Variants in OGT observed in about 807,000 individuals in gnomAD.
The protein encoded by OGT is UDP-N-acetylglucosamine--peptide N-acetylglucosaminyltransferase 110 kDa subunit.
Under a neutral mutation model 75.8 loss-of-function variants are expected in OGT, and 3 were observed. That is an observed-to-expected ratio of 0.04 (90% CI 0.02 to 0.10). OGT has a LOEUF of 0.10. Among genes scored for constraint, OGT ranks in the 10% least tolerant of loss-of-function variants. The pLI is 1.00. For missense variants in OGT, 260 were observed against 824.4 expected, an observed-to-expected ratio of 0.32 and a Z score of 8.38; for synonymous variants, 257 against 289.7, an observed-to-expected ratio of 0.89 and a Z score of 1.15.
rs192649178 is a variant in OGT at position 71,550,896 on chromosome X, G to A, written c.648+2873G>A. Reference sequence around the variant, plus strand: ...AGAGTAGAAGGGTGGTGAGGCTTGGGGGGGTGGAGGAGGGATGGGGAAAAG... The same window carrying A: ...AGAGTAGAAGGGTGGTGAGGCTTGGAGGGGTGGAGGAGGGATGGGGAAAAG... On this transcript the variant is annotated intron_variant, in intron 5 of 21. Coordinates refer to ENST00000373719, the MANE Select transcript of OGT (RefSeq NM_181672.3). Among the ~76,000 whole-genome samples, 752 of 110,912 alleles carry A rather than the reference G, an allele frequency of 6.8e-3. 3 individuals carry two copies. The highest frequency in any genetic ancestry group is 9.2e-3 in the Middle Eastern group (2 of 218).
intron 5 of OGT, among the ~76,000 whole-genome samples, chrX:71,550,608 A>G (rs1052825532): frequency 3.6e-5 from 4 of 111,452 alleles, no homozygotes; most frequent in Non-Finnish European, 5.6e-5. Flanking sequence ...TAATGGGCGT[A>G]TTTGCTACTG....
chrX:71,561,250 C>G (rs1476277101), intron 14 of OGT, among the ~76,000 whole-genome samples: 1 of 110,584 alleles, frequency 9.0e-6, no homozygotes, highest in Non-Finnish European at 1.9e-5. Context: ...TCTAAACTCC[C>G]TCACACTTTA....
intron 2 of OGT, 134 bp downstream of exon 2, chrX:71,536,492 C>G (rs903355042): frequency 3.4e-5 from 15 of 446,184 alleles, no homozygotes; most frequent in African/African-American, 5.1e-5. Flanking sequence ...CATCTGCTCT[C>G]TTGCCCACTT....
chrX:71,556,151 A>C (rs184080041), intron 8 of OGT, 57 bp downstream of exon 8: 1 of 1,113,965 alleles, frequency 9.0e-7, no homozygotes, highest in Non-Finnish European at 1.2e-6. Context: ...AAAGCAGTTA[A>C]GTTTACCATC....
intron 1 of OGT, 144 bp downstream of exon 1, chrX:71,533,480 T>C: frequency 1.9e-6 from 1 of 536,137 alleles, no homozygotes; most frequent in Non-Finnish European, 3.1e-6. Flanking sequence ...TCTACTGGCA[T>C]CTGATCACAT....
Position 71,533,109 on chromosome X carries a change from A to G in OGT, c.-191A>G. The G allele has an allele frequency of 2.5e-6, 1 of 400,010 alleles. No homozygotes were observed. The highest frequency in any genetic ancestry group is 4.4e-6 in the Non-Finnish European group (1 of 227,348). The allele number at this position is 400,010 out of a possible 1,213,427, so 33.0% of individuals were successfully genotyped here. A position where few individuals can be genotyped will look rare whatever the true frequency, so the allele number is the denominator to read the frequency against. ...GCCGAGGAGCCGTCGCCGCCATTTCAAGACCGTACTAGGTAGATGGTCAAT... is the reference window on the plus strand; with the variant it reads ...GCCGAGGAGCCGTCGCCGCCATTTCGAGACCGTACTAGGTAGATGGTCAAT... On this transcript the variant is annotated 5_prime_UTR_variant, in exon 1 of 22. Transcript: ENST00000373719.
chrX:71,557,700 G>A, intron 12 of OGT, 28 bp downstream of exon 12: 4 of 1,107,752 alleles, frequency 3.6e-6, no homozygotes, highest in Non-Finnish European at 4.8e-6. Context: ...TAATCTTTTT[G>A]TTGTAAACTA....
At chrX:71,547,058 G>A in intron 4 of OGT, 1 of 754,652 alleles carries the variant, frequency 1.3e-6, no homozygotes, top group Non-Finnish European at 1.6e-6. Flanking sequence ...CAGCGATTGC[G>A]CAGTGCGATG....
intron 8 of OGT, 68 bp downstream of exon 8, chrX:71,556,162 A>G: frequency 9.2e-7 from 1 of 1,082,948 alleles, no homozygotes; most frequent in East Asian, 3.0e-5. Flanking sequence ...GTTTACCATC[A>G]TCCACCTCTT....
At chrX:71,560,604 G>A (rs186997368) in intron 14 of OGT, among the ~76,000 whole-genome samples, 12 of 111,672 alleles carry the variant, frequency 1.1e-4, no homozygotes, top group Admixed American at 8.5e-4. Context: ...ATGTGTATGT[G>A]TATATATATA....
In OGT at chrX:71,555,311, C is replaced by A; in HGVS notation, c.850C>A (p.Arg284=). 8.3e-7 allele frequency: 1 copy of A among 1,210,874 alleles called. No homozygotes were observed. The highest frequency in any genetic ancestry group is 1.1e-6 in the Non-Finnish European group (1 of 895,020). ...LIDLAIDTYR[R]AIELQPHFPD... ...AGATCTGGCAATAGACACCTACAGG[C>A]GGGCTATCGAACTACAACCACATTT... The change falls in exon 7 of 22, where the codon CGG becomes AGG. Residue 284 remains arginine, a synonymous_variant. Coordinates refer to ENST00000373719, the MANE Select transcript of OGT (RefSeq NM_181672.3).
In OGT at chrX:71,543,782, A is replaced by G. The variant is rs1348347511; in HGVS notation, c.463-785A>G. ...TGTGTGTGTGTATATATATATATAT[A>G]TATATATATATTTCCTTTTTTTTTT... On this transcript the variant is annotated intron_variant, in intron 3 of 21. Transcript: ENST00000373719. Among the ~76,000 whole-genome samples, 123 of 98,810 alleles carry G rather than the reference A, an allele frequency of 1.2e-3. 1 individual carries two copies. Among genetic ancestry groups the G allele is most frequent in the African/African-American group, 4.4e-3 (115 of 26,086 alleles). 85.8% of individuals were successfully genotyped at this position (98,810 alleles called of 115,157 possible). A position where few individuals can be genotyped will look rare whatever the true frequency, so the allele number is the denominator to read the frequency against.
At chrX:71,536,560 A>T (rs189944562) in intron 2 of OGT, 46 of 334,469 alleles carry the variant, frequency 1.4e-4, no homozygotes, top group African/African-American at 1.0e-3. Flanking sequence ...TTATATTATC[A>T]GTATGACTAG....
chrX:71,556,878 A>G lies in OGT; in HGVS notation c.1167-74A>G, dbSNP rs974517207. On this transcript the variant is annotated intron_variant, in intron 9 of 21. Coordinates refer to ENST00000373719, the MANE Select transcript of OGT (RefSeq NM_181672.3). Reference sequence around the variant, plus strand: ...GATGCTAAAATGGCTTTAAATAACAACGGAATAAGTTAGCATTACAGTGGG... The same window carrying G: ...GATGCTAAAATGGCTTTAAATAACAGCGGAATAAGTTAGCATTACAGTGGG... 3.4e-5 allele frequency: 37 copies of G among 1,103,977 alleles called. No homozygotes were observed. The African/African-American group carries it at 4.8e-4, about 14-fold the overall frequency. The allele number at this position is 1,103,977 out of a possible 1,213,427, so 91.0% of individuals were successfully genotyped here. A position where few individuals can be genotyped will look rare whatever the true frequency, so the allele number is the denominator to read the frequency against.
intron 12 of OGT, among the ~76,000 whole-genome samples, chrX:71,557,880 T>C (rs753892662): frequency 1.8e-5 from 2 of 111,901 alleles, no homozygotes; most frequent in Non-Finnish European, 3.8e-5. Context: ...CCTTAACTCC[T>C]TCACTTAAAC....
chrX:71,575,862 G>A lies in OGT; in HGVS notation c.*2068G>A, dbSNP rs765929020. On this transcript the variant is annotated 3_prime_UTR_variant, in exon 22 of 22. Coordinates refer to ENST00000373719, the MANE Select transcript of OGT (RefSeq NM_181672.3). ...TACAGAAATTAAGATGTTGTCTTGC[G>A]ATCCTTAATAAATGAATGATTTCCC... The A allele has an allele frequency of 3.6e-5, 4 of 112,038 alleles. No homozygotes were observed. Among genetic ancestry groups the A allele is most frequent in the Non-Finnish European group, 7.5e-5 (4 of 53,213 alleles). 9.2% of individuals were successfully genotyped at this position (112,038 alleles called of 1,213,427 possible).
intron 21 of OGT, among the ~76,000 whole-genome samples, chrX:71,572,660 G>A (rs772637294): frequency 2.8e-4 from 31 of 111,316 alleles, no homozygotes; most frequent in Non-Finnish European, 5.1e-4. Flanking sequence ...TCAGCTTCCC[G>A]GGAGGCTGGG....
At chrX:71,555,433 C>A (rs1569427761) in intron 7 of OGT, 48 bp downstream of exon 7, 1 of 1,092,730 alleles carries the variant, frequency 9.2e-7, no homozygotes, top group Admixed American at 2.4e-5. Context: ...GATTAAGAGT[C>A]TTTTCTGGCC....
chrX:71,558,765 CTTTTTTTTTTT>C (rs397895020), intron 12 of OGT, among the ~76,000 whole-genome samples: 24 of 61,480 alleles, frequency 3.9e-4, no homozygotes, highest in African/African-American at 1.3e-3. Flanking sequence ...TTTGCTCGTA[CTTTTTTTTTTT>C]TTTTTTTTTT....
Sources: gnomAD v4.1 joint callset for allele counts (sites outside exome capture counted in the v4.1 genomes callset) on GRCh38, gnomAD v4.1.1 for gene constraint, MANE v1.5 for transcripts, NCBI Gene and HGNC (gene_info 2026-07-23, HGNC 2026-07-21) for gene names.